ARL15: variants seen among roughly 807,000 people sequenced by gnomAD.
The protein encoded by ARL15 is ADP-ribosylation factor-like protein 15.
In ARL15, 19 loss-of-function variants were observed where a neutral mutation model predicts 25.2. The observed-to-expected ratio is 0.75, with a 90% CI of 0.53 to 1.10. ARL15 has a LOEUF of 1.10. Among genes scored for constraint, ARL15 ranks in the 50% least tolerant of loss-of-function variants. The pLI is 0.00. For missense variants in ARL15, 220 were observed against 246.0 expected (o/e 0.89, Z 0.71); for synonymous variants, 94 against 86.8 (o/e 1.08, Z -0.46).
chr5:54,108,546 C>T (rs1423750417), intron 4 of ARL15, among the ~76,000 whole-genome samples: 2 of 152,074 alleles, frequency 1.3e-5, no homozygotes, highest in African/African-American at 4.8e-5. Context: ...TTAAGCTAAG[C>T]ATTTTACACG....
chr5:54,285,961 C>T (rs1758169441), intron 1 of ARL15, among the ~76,000 whole-genome samples: 1 of 152,196 alleles, frequency 6.6e-6, no homozygotes, highest in Non-Finnish European at 1.5e-5. Flanking sequence ...GCTTTAGTCA[C>T]TCCTCCAGAG....
intron 4 of ARL15, among the ~76,000 whole-genome samples, chr5:54,002,996 C>T (rs112339169): frequency 0.035 from 5,285 of 152,188 alleles, 104 homozygotes; most frequent in Non-Finnish European, 0.056. Context: ...TGAGCAAAAA[C>T]GATTGGCCAT....
At chr5:54,045,749 T>C (rs1392884563) in intron 4 of ARL15, among the ~76,000 whole-genome samples, 1 of 152,154 alleles carries the variant, frequency 6.6e-6, no homozygotes, top group Non-Finnish European at 1.5e-5. Flanking sequence ...GGTTCAGAAA[T>C]GACTTAGCAT....
At chr5:53,894,143 T>G (rs1050073989) in intron 4 of ARL15, among the ~76,000 whole-genome samples, 5 of 152,180 alleles carry the variant, frequency 3.3e-5, no homozygotes, top group African/African-American at 9.7e-5. Context: ...AGATGGTAAG[T>G]ACAAAAGTAT....
At chr5:53,951,847 ATTTTTTTT>A (rs59369848) in intron 4 of ARL15, among the ~76,000 whole-genome samples, 1 of 98,220 alleles carries the variant, frequency 1.0e-5, no homozygotes, top group African/African-American at 3.9e-5. Flanking sequence ...ACATAAAAGA[ATTTTTTTT>A]TTTTTTTTTT....
intron 4 of ARL15, among the ~76,000 whole-genome samples, chr5:53,896,941 T>C (rs1401154904): frequency 6.6e-6 from 1 of 152,170 alleles, no homozygotes; most frequent in African/African-American, 2.4e-5. Context: ...TAGTTATCAT[T>C]ACCTACTTCA....
At chr5:53,967,792 T>A (rs1227494848) in intron 4 of ARL15, among the ~76,000 whole-genome samples, 1 of 151,988 alleles carries the variant, frequency 6.6e-6, no homozygotes, top group African/African-American at 2.4e-5. Flanking sequence ...CTGGGGAACA[T>A]CAGCATGTAA....
At chr5:53,912,766 C>T (rs1267866519) in intron 4 of ARL15, among the ~76,000 whole-genome samples, 2 of 152,116 alleles carry the variant, frequency 1.3e-5, no homozygotes, top group African/African-American at 2.4e-5. Context: ...TCAACTTATC[C>T]ATTCATTCAT....
intron 4 of ARL15, among the ~76,000 whole-genome samples, chr5:54,049,647 C>T (rs1750645097): frequency 6.6e-6 from 1 of 152,096 alleles, no homozygotes; most frequent in Non-Finnish European, 1.5e-5. Context: ...GTCACCCAGG[C>T]TGGAGTGCAG....
chr5:54,275,205 A>C (rs1443401180), intron 1 of ARL15, among the ~76,000 whole-genome samples: 1 of 152,152 alleles, frequency 6.6e-6, no homozygotes, highest in Non-Finnish European at 1.5e-5. Context: ...CTCTGCCTAC[A>C]CACTGTCTTT....
intron 3 of ARL15, among the ~76,000 whole-genome samples, chr5:54,118,382 T>G (rs1752970893): frequency 6.6e-6 from 1 of 152,220 alleles, no homozygotes; most frequent in South Asian, 2.1e-4. Flanking sequence ...TAAAAAGATT[T>G]GCCAATTTTC....
rs925959230 is a variant in ARL15, at chr5:54,307,927, G to C, written c.48+2505C>G. ...CAAAATCTGGAGTCAAACTTGGAATGAAAGGAGCATTTTTTTTCCCTGCAA... is the reference window on the plus strand; with the variant it reads ...CAAAATCTGGAGTCAAACTTGGAATCAAAGGAGCATTTTTTTTCCCTGCAA... On this transcript the variant is annotated intron_variant, in intron 1 of 4. Coordinates refer to ENST00000504924, the MANE Select transcript of ARL15 (RefSeq NM_019087.3). 9 of 152,192 alleles carry C rather than the reference G, an allele frequency of 5.9e-5. No homozygotes were observed. The East Asian group carries it at 1.5e-3, about 26-fold the overall frequency. The allele number at this position is 152,192 out of a possible 1,614,324, so 9.4% of individuals were successfully genotyped here.
At chr5:54,155,790 G>A (rs1240860971) in intron 2 of ARL15, among the ~76,000 whole-genome samples, 1 of 151,924 alleles carries the variant, frequency 6.6e-6, no homozygotes, top group Non-Finnish European at 1.5e-5. Flanking sequence ...GGAAAACTGG[G>A]AATCTGGAAA....
At chr5:54,005,721 G>A (rs1050971194) in intron 4 of ARL15, among the ~76,000 whole-genome samples, 1 of 151,986 alleles carries the variant, frequency 6.6e-6, no homozygotes, top group Non-Finnish European at 1.5e-5. Context: ...AATTAGCCGG[G>A]CGTGGTGGCC....
intron 3 of ARL15, among the ~76,000 whole-genome samples, chr5:54,138,778 A>C (rs572179135): frequency 1.3e-5 from 2 of 152,324 alleles, no homozygotes; most frequent in South Asian, 4.1e-4. Flanking sequence ...GCATCCAACA[A>C]AGGACTAATA....
At chr5:53,936,650 T>C (rs1376698125) in intron 4 of ARL15, among the ~76,000 whole-genome samples, 1 of 152,270 alleles carries the variant, frequency 6.6e-6, no homozygotes, top group Non-Finnish European at 1.5e-5. Flanking sequence ...TAGCTGCTCT[T>C]GCCATTGTTG....
chr5:54,128,409 G>A (rs992782590), intron 3 of ARL15, among the ~76,000 whole-genome samples: 1 of 152,092 alleles, frequency 6.6e-6, no homozygotes. Flanking sequence ...GCTAATATAG[G>A]AATCAACATA....
chr5:54,131,737 T>C (rs909123813), intron 3 of ARL15, among the ~76,000 whole-genome samples: 3 of 152,154 alleles, frequency 2.0e-5, no homozygotes, highest in Non-Finnish European at 4.4e-5. Context: ...CACATTAGTG[T>C]GGCTACACTA....
At chr5:54,135,495 C>T (rs1338863687) in intron 3 of ARL15, among the ~76,000 whole-genome samples, 1 of 152,136 alleles carries the variant, frequency 6.6e-6, no homozygotes, top group Non-Finnish European at 1.5e-5. Flanking sequence ...TACATGACAC[C>T]TAAATTCATG....
Sources: allele counts gnomAD v4.1 joint callset (sites outside exome capture counted in the v4.1 genomes callset), GRCh38; gene constraint gnomAD v4.1.1; transcripts MANE v1.5; gene names NCBI Gene and HGNC (gene_info 2026-07-23, HGNC 2026-07-21).